Variants in TPRG1 observed in about 807,000 individuals in gnomAD.
TPRG1 encodes the protein tumor protein p63 regulated 1.
Under a neutral mutation model 29.3 loss-of-function variants are expected in TPRG1, and 29 were observed. That is an observed-to-expected ratio of 0.99 (90% confidence interval 0.74 to 1.35). The LOEUF (loss-of-function observed/expected upper bound fraction) is 1.35. Ranked by LOEUF, TPRG1 falls within the 40% of genes most tolerant of loss-of-function variation. The probability of loss-of-function intolerance (pLI) is 0.00; values close to 1 mark genes in which losing one functional copy is unlikely to be tolerated. For synonymous variants in TPRG1, 130 were observed against 116.8 expected (o/e 1.11, Z -0.73); for missense variants, 327 against 335.0 (o/e 0.98, Z 0.19).
chr3:189,186,177 C>T (rs1170326189), intron 1 of TPRG1, among the ~76,000 whole-genome samples: 2 of 152,146 alleles, frequency 1.3e-5, no homozygotes, highest in East Asian at 1.9e-4. Context: ...GAAGTTTTCA[C>T]TATGTAAAAA....
chr3:189,245,288 T>C (rs750837861), intron 4 of TPRG1, among the ~76,000 whole-genome samples: 18 of 152,164 alleles, frequency 1.2e-4, no homozygotes, highest in Non-Finnish European at 1.5e-5. Context: ...TTTTTTAACT[T>C]CTTGAAGTGC....
At chr3:189,308,821 G>A (rs1172839313) in intron 4 of TPRG1, among the ~76,000 whole-genome samples, 1 of 152,072 alleles carries the variant, frequency 6.6e-6, no homozygotes, top group Non-Finnish European at 1.5e-5. Context: ...TGTGCAAGTT[G>A]TTTTAATGGA....
exon 4 of TPRG1, chr3:189,023,851 C>A (rs915984962): frequency 3.9e-5 from 6 of 152,358 alleles, no homozygotes; most frequent in African/African-American, 1.4e-4. Flanking sequence ...GCAAAGATGG[C>A]AGCCTGCCCT....
chr3:189,305,735 C>A (rs911504585), intron 4 of TPRG1, among the ~76,000 whole-genome samples: 3 of 152,158 alleles, frequency 2.0e-5, no homozygotes, highest in African/African-American at 7.2e-5. Flanking sequence ...TCTATAAAAT[C>A]AAAGAATTGG....
intron 4 of TPRG1, among the ~76,000 whole-genome samples, chr3:189,049,265 C>T (rs898970874): frequency 2.6e-5 from 4 of 152,188 alleles, no homozygotes; most frequent in African/African-American, 7.2e-5. Flanking sequence ...AAGCCCCTCT[C>T]GCCCTCCACC....
intron 4 of TPRG1, among the ~76,000 whole-genome samples, chr3:189,026,219 T>C (rs1184051311): frequency 1.3e-5 from 2 of 152,206 alleles, no homozygotes; most frequent in Non-Finnish European, 2.9e-5. Context: ...TGCCTCCTCC[T>C]CACTTTGTCC....
intron 5 of TPRG1, 34 bp from the exon 6 acceptor site, chr3:189,320,592 A>G (rs944447444): frequency 6.4e-7 from 1 of 1,559,522 alleles, no homozygotes; most frequent in Non-Finnish European, 8.7e-7. Context: ...AATCTACAGT[A>G]ACTAACTTTG....
At chr3:189,289,471 A>C (rs1242915737) in intron 4 of TPRG1, among the ~76,000 whole-genome samples, 1 of 151,018 alleles carries the variant, frequency 6.6e-6, no homozygotes, top group Non-Finnish European at 1.5e-5. Flanking sequence ...TGTAGTGGTT[A>C]AGAGCTGAGA....
rs1183537994 is a variant in TPRG1 at position 189,017,203 on chromosome 3, TTC to T, written c.-659-6545_-659-6544del. Among the ~76,000 whole-genome samples, 3 of 13,450 alleles carry T rather than the reference TTC, an allele frequency of 2.2e-4. No homozygotes were observed. In the Non-Finnish European group the frequency reaches 4.6e-3, roughly 21 times the overall value. The allele number at this position is 13,450 out of a possible 152,430, so 8.8% of individuals were successfully genotyped here. On this transcript the variant is annotated intron_variant, in intron 3 of 10. Coordinates refer to the TPRG1 transcript ENST00000433971. ...GAAAGACAGTCTTTGAGCTCTGAGA[TTC>T]TTTTTTTTTTTATTAAAATATATAT...
chr3:189,117,297 C>A (rs914821799), intron 1 of TPRG1, among the ~76,000 whole-genome samples: 1 of 152,212 alleles, frequency 6.6e-6, no homozygotes, highest in South Asian at 2.1e-4. Context: ...CCATGTGGGA[C>A]ATAACTGGAA....
intron 4 of TPRG1, among the ~76,000 whole-genome samples, chr3:189,308,492 G>A (rs561699040): frequency 1.1e-3 from 161 of 152,288 alleles, no homozygotes; most frequent in African/African-American, 3.7e-3. Flanking sequence ...CCCCACCCTT[G>A]GAGTGATAAC....
At chr3:189,092,512 G>C (rs1050715172) in intron 4 of TPRG1, among the ~76,000 whole-genome samples, 11 of 150,508 alleles carry the variant, frequency 7.3e-5, no homozygotes, top group African/African-American at 2.7e-4. Flanking sequence ...TATTTCTTAG[G>C]TCTGTGGCTT....
At chr3:189,127,757 G>A (rs1163716479) in intron 2 of TPRG1, among the ~76,000 whole-genome samples, 1 of 152,180 alleles carries the variant, frequency 6.6e-6, no homozygotes, top group Admixed American at 6.5e-5. Flanking sequence ...GTAGAACCTT[G>A]AGGTCCAGAT....
intron 4 of TPRG1, among the ~76,000 whole-genome samples, chr3:189,060,617 G>A (rs1053536734): frequency 1.5e-4 from 23 of 152,200 alleles, no homozygotes; most frequent in African/African-American, 4.6e-4. Context: ...AAATCAATGT[G>A]CAAAAATTGT....
intron 2 of TPRG1, among the ~76,000 whole-genome samples, chr3:189,003,724 G>A (rs944859680): frequency 2.4e-4 from 36 of 152,172 alleles, no homozygotes; most frequent in African/African-American, 2.9e-4. Flanking sequence ...AGACTGGTAT[G>A]AGAAGTCATT....
At chr3:189,218,226 G>T (rs1431210591) in intron 3 of TPRG1, among the ~76,000 whole-genome samples, 1 of 151,750 alleles carries the variant, frequency 6.6e-6, no homozygotes, top group Non-Finnish European at 1.5e-5. Context: ...CCATTCTCCT[G>T]CCTCAGCCTC....
chr3:189,005,013 A>G (rs1266607774), intron 3 of TPRG1, among the ~76,000 whole-genome samples: 1 of 152,130 alleles, frequency 6.6e-6, no homozygotes, highest in Non-Finnish European at 1.5e-5. Context: ...CAGAAAGACA[A>G]GCATCACATG....
intron 4 of TPRG1, among the ~76,000 whole-genome samples, chr3:189,297,851 G>C (rs1166979762): frequency 1.3e-5 from 2 of 152,104 alleles, no homozygotes; most frequent in Admixed American, 6.5e-5. Flanking sequence ...TATGGAACTT[G>C]GGAACATGGG....
chr3:189,057,855 T>TAC (rs1407398176), intron 4 of TPRG1, among the ~76,000 whole-genome samples: 2 of 111,744 alleles, frequency 1.8e-5, no homozygotes, highest in Non-Finnish European at 3.3e-5. Context: ...TGTATATATA[T>TAC]ACACACATAC....
Sources: gnomAD v4.1 joint callset for allele counts (sites outside exome capture counted in the v4.1 genomes callset) on GRCh38, gnomAD v4.1.1 for gene constraint, MANE v1.5 for transcripts, NCBI Gene and HGNC (gene_info 2026-07-23, HGNC 2026-07-21) for gene names.